TAFA1: variants seen among roughly 807,000 people sequenced by gnomAD.
TAFA1 encodes chemokine-like protein TAFA-1.
A neutral mutation model predicts 18.5 loss-of-function variants in TAFA1; 4 were observed. The ratio of observed to expected loss-of-function variants is 0.22; its 90% CI spans 0.11 to 0.49. TAFA1 has a LOEUF of 0.49. Ranked by LOEUF, TAFA1 falls within the 20% of genes least tolerant of loss-of-function variation. The pLI is 0.98. For synonymous variants in TAFA1, 56 were observed against 55.2 expected (o/e 1.01, Z -0.06); for missense variants, 147 against 169.0 (o/e 0.87, Z 0.72).
intron 3 of TAFA1, among the ~76,000 whole-genome samples, chr3:68,488,979 G>C (rs1342651212): frequency 1.3e-5 from 2 of 152,138 alleles, no homozygotes; most frequent in African/African-American, 4.8e-5. Flanking sequence ...CAGGCTCTGA[G>C]CTAAGTGCTT....
At chr3:68,386,270 G>A (rs1374514103) in intron 2 of TAFA1, among the ~76,000 whole-genome samples, 1 of 152,136 alleles carries the variant, frequency 6.6e-6, no homozygotes, top group Non-Finnish European at 1.5e-5. Context: ...ACTAACAAAT[G>A]ACACAGCTGG....
chr3:68,144,215 T>G (rs1303556916), intron 2 of TAFA1, among the ~76,000 whole-genome samples: 1 of 152,196 alleles, frequency 6.6e-6, no homozygotes, highest in Admixed American at 6.5e-5. Context: ...TGTTGTTTTA[T>G]CCATTTATTT....
chr3:68,315,132 C>T (rs1409299186), intron 2 of TAFA1, among the ~76,000 whole-genome samples: 3 of 152,094 alleles, frequency 2.0e-5, no homozygotes, highest in Non-Finnish European at 4.4e-5. Flanking sequence ...TAGCTCTTCT[C>T]TTCCTGGAAG....
intron 3 of TAFA1, among the ~76,000 whole-genome samples, chr3:68,463,435 G>GT (rs1197821315): frequency 2.0e-5 from 3 of 152,176 alleles, no homozygotes; most frequent in African/African-American, 4.8e-5. Flanking sequence ...ATTTTATTCA[G>GT]TTTTTTCATT....
chr3:68,069,393 A>G (rs2064723600), intron 2 of TAFA1, among the ~76,000 whole-genome samples: 1 of 152,184 alleles, frequency 6.6e-6, no homozygotes, highest in Non-Finnish European at 1.5e-5. Context: ...CTTATTTACT[A>G]TCATGAGAAC....
chr3:68,360,509 A>G (rs948208798), intron 2 of TAFA1, among the ~76,000 whole-genome samples: 4 of 152,000 alleles, frequency 2.6e-5, no homozygotes, highest in African/African-American at 9.7e-5. Context: ...GGAAAAGGGC[A>G]CAAAGTAGAG....
At chr3:68,151,718 T>A (rs2065808669) in intron 2 of TAFA1, among the ~76,000 whole-genome samples, 1 of 152,150 alleles carries the variant, frequency 6.6e-6, no homozygotes, top group Admixed American at 6.6e-5. Context: ...TAAGGACAGA[T>A]CCCTTATGAT....
chr3:68,360,541 G>T (rs1385082668), intron 2 of TAFA1, among the ~76,000 whole-genome samples: 1 of 151,906 alleles, frequency 6.6e-6, no homozygotes, highest in African/African-American at 2.4e-5. Flanking sequence ...CGGTGGTTAT[G>T]TCATTTAGTA....
chr3:67,995,598 C>T, the TAFA1 span, among the ~76,000 whole-genome samples: 1 of 152,102 alleles, frequency 6.6e-6, no homozygotes, highest in Non-Finnish European at 1.5e-5. Flanking sequence ...CACATGTTCT[C>T]CATTACACTA....
At chr3:68,444,946 G>GTACTTCACAGC (rs2071451407) in intron 3 of TAFA1, among the ~76,000 whole-genome samples, 2 of 151,732 alleles carry the variant, frequency 1.3e-5, no homozygotes, top group South Asian at 4.2e-4. Context: ...ATTGGTAGCT[G>GTACTTCACAGC]TACTTACTTC....
At chr3:68,207,994 C>G (rs942728322) in intron 2 of TAFA1, among the ~76,000 whole-genome samples, 2 of 151,840 alleles carry the variant, frequency 1.3e-5, no homozygotes, top group African/African-American at 2.4e-5. Flanking sequence ...GACTCAGAGA[C>G]TTAGAAACAG....
chr3:68,145,038 G>A, intron 2 of TAFA1: 26 of 1,607,866 alleles, frequency 1.6e-5, no homozygotes, highest in Non-Finnish European at 2.0e-5. Context: ...AGCGCCTTTA[G>A]TTTCAAAAAG....
chr3:68,532,161 C>A (rs2073196924), intron 3 of TAFA1, among the ~76,000 whole-genome samples: 1 of 152,062 alleles, frequency 6.6e-6, no homozygotes. Flanking sequence ...AAATGTGAGA[C>A]CCCTAAAGAG....
chr3:68,006,581 C>A, intron 1 of TAFA1, 43 bp from the exon 2 acceptor site: 1 of 1,373,356 alleles, frequency 7.3e-7, no homozygotes, highest in Non-Finnish European at 1.0e-6. Flanking sequence ...GAGCTGGGGG[C>A]TTGAAGCCGG....
intron 2 of TAFA1, among the ~76,000 whole-genome samples, chr3:68,205,153 C>G (rs62248290): frequency 0.2 from 29,653 of 151,638 alleles, 3,527 homozygotes; most frequent in Middle Eastern, 0.29. Flanking sequence ...TTCTATAAGA[C>G]AAAGGTGATT....
intron 3 of TAFA1, among the ~76,000 whole-genome samples, chr3:68,500,347 TA>T (rs1403561191): frequency 6.6e-6 from 1 of 152,116 alleles, no homozygotes; most frequent in Non-Finnish European, 1.5e-5. Context: ...AGCATGAAAA[TA>T]AAATGAAAGG....
intron 2 of TAFA1, among the ~76,000 whole-genome samples, chr3:68,098,257 G>GT (rs144548050): frequency 0.13 from 19,559 of 151,294 alleles, 1,610 homozygotes; most frequent in Non-Finnish European, 0.17. Flanking sequence ...AGGTGTGACT[G>GT]TTTTTTTTTA....
chr3:68,225,164 T>C (rs1271961311), intron 2 of TAFA1, among the ~76,000 whole-genome samples: 1 of 151,970 alleles, frequency 6.6e-6, no homozygotes, highest in Non-Finnish European at 1.5e-5. Context: ...TGCCTCGGCC[T>C]CTCAAAGTGC....
chr3:67,997,253 T>G, the TAFA1 span, among the ~76,000 whole-genome samples: 7 of 152,326 alleles, frequency 4.6e-5, no homozygotes, highest in Non-Finnish European at 8.8e-5. Flanking sequence ...AATTTAATTT[T>G]AAAACTTTAT....
Sources: gnomAD v4.1 joint callset for allele counts (sites outside exome capture counted in the v4.1 genomes callset) on GRCh38, gnomAD v4.1.1 for gene constraint, MANE v1.5 for transcripts, NCBI Gene and HGNC (gene_info 2026-07-23, HGNC 2026-07-21) for gene names.